CFLAR: variants seen among roughly 807,000 people sequenced by gnomAD.
CFLAR encodes CASP8 and FADD-like apoptosis regulator.
CFLAR carries 14 observed loss-of-function variants against 51.1 expected under a neutral mutation model. That is an observed-to-expected ratio of 0.27 (90% CI 0.18 to 0.43). The LOEUF is 0.43. Among genes scored for constraint, CFLAR ranks in the 20% least tolerant of loss-of-function variants. The pLI is 1.00. For missense variants in CFLAR, 390 were observed against 566.5 expected, an observed-to-expected ratio of 0.69 and a Z score of 3.16; for synonymous variants, 210 against 211.6, an observed-to-expected ratio of 0.99 and a Z score of 0.06.
At chr2:201,158,298 G>T (rs1942509528) in intron 8 of CFLAR, among the ~76,000 whole-genome samples, 1 of 152,208 alleles carries the variant, frequency 6.6e-6, no homozygotes, top group Non-Finnish European at 1.5e-5. Context: ...AACCTCCAGG[G>T]AGCACAAATA....
chr2:201,172,158 C>T lies in CFLAR; in HGVS notation c.*8185C>T, dbSNP rs1413082432. The stretch of plus-strand genomic sequence containing the variant: ...TCATCAGTTTTATCTTTATATCTCT[C>T]CTAAACACTTTACCTGATGAAGAGC... On this transcript the variant is annotated 3_prime_UTR_variant, in exon 10 of 10. Coordinates refer to ENST00000309955, the MANE Select transcript of CFLAR (RefSeq NM_003879.7). The T allele has an allele frequency of 6.6e-6, 1 of 152,114 alleles. No homozygotes were observed. The allele number at this position is 152,114 out of a possible 1,614,324, so 9.4% of individuals were successfully genotyped here.
rs1216361180 is a variant in CFLAR at position 201,138,022 on chromosome 2, C to G, written c.523+1915C>G. 2.7e-6 allele frequency: 2 copies of G among 731,006 alleles called. No individual in the cohort carries two copies. Among genetic ancestry groups the G allele is most frequent in the Non-Finnish European group, 5.1e-6 (2 of 394,038 alleles). The allele number at this position is 731,006 out of a possible 1,614,324, so 45.3% of individuals were successfully genotyped here. On this transcript the variant is annotated intron_variant, in intron 4 of 9. Coordinates refer to ENST00000309955, the MANE Select transcript of CFLAR (RefSeq NM_003879.7). This position sits in a 1 kb window ranked among gnomAD's most constrained non-coding sequence, Gnocchi z 4.0. ...TGGGTATGCTTGGCCACCTTGTACA[C>G]AGCAGTGCCCTGGGGCTGACTGCAG...
intron 1 of CFLAR, among the ~76,000 whole-genome samples, chr2:201,120,656 A>C (rs956358676): frequency 2.0e-5 from 3 of 152,212 alleles, no homozygotes; most frequent in African/African-American, 7.2e-5. Context: ...AGGTTTAAAA[A>C]TGCTTCCCAG....
chr2:201,152,288 G>T (rs1369711375), intron 8 of CFLAR, among the ~76,000 whole-genome samples: 3 of 152,002 alleles, frequency 2.0e-5, no homozygotes, highest in Admixed American at 6.6e-5. Flanking sequence ...GAGCCACCAC[G>T]CTCGGCTTCT....
intron 8 of CFLAR, among the ~76,000 whole-genome samples, chr2:201,151,446 G>A (rs1415824214): frequency 1.3e-5 from 2 of 152,134 alleles, no homozygotes; most frequent in Non-Finnish European, 2.9e-5. Flanking sequence ...TTTATGGGAA[G>A]AAAGGCTAAG....
Position 201,136,117 on chromosome 2 carries a change from T to A in CFLAR, c.523+10T>A. Reference sequence around the variant, plus strand: ...AAGTACAAGCAGTCTGGTAAGAATTTTGGCCTCTCAGTGGTCTAGGGGAAG... The same window carrying A: ...AAGTACAAGCAGTCTGGTAAGAATTATGGCCTCTCAGTGGTCTAGGGGAAG... On this transcript the variant is annotated intron_variant, in intron 4 of 9. Transcript: ENST00000309955. 3.1e-6 allele frequency: 5 copies of A among 1,612,566 alleles called. No homozygotes were observed. Among genetic ancestry groups the A allele is most frequent in the Non-Finnish European group, 4.2e-6 (5 of 1,179,186 alleles).
Position 201,149,857 on chromosome 2 carries a change from T to C in CFLAR, c.793+22T>C, listed in dbSNP as rs1940944844. 2.5e-6 allele frequency: 4 copies of C among 1,573,510 alleles called. No homozygotes were observed. The East Asian group carries it at 6.7e-5, about 26-fold the overall frequency. ...ACAGGTAGGTGTGGAAGCTGCAGAT[T>C]AACTGGTGCCCCCAGATTGAGATCA... is the stretch of plus-strand genomic sequence containing the variant. On this transcript the variant is annotated intron_variant, in intron 8 of 9. Transcript: ENST00000309955.
At position 201,176,284 on chromosome 2, in the gene CFLAR, G is replaced by GC. The variant is rs1172810429; in HGVS notation, c.*12311_*12312insC. On this transcript the variant is annotated 3_prime_UTR_variant, in exon 10 of 10. Transcript: ENST00000309955. Reference sequence around the variant, plus strand: ...TCTCAGGTGTTTTCTATTGCGGGGGGGGGGGGCGGGCGGGGGAGCTGCCTG... The same window carrying GC: ...TCTCAGGTGTTTTCTATTGCGGGGGGCGGGGGGCGGGCGGGGGAGCTGCCTG... The GC allele has an allele frequency of 7.9e-6, 1 of 126,530 alleles. No individual in the cohort carries two copies. The highest frequency in any genetic ancestry group is 1.7e-5 in the Non-Finnish European group (1 of 60,372). 7.8% of individuals were successfully genotyped at this position (126,530 alleles called of 1,614,324 possible). A position where few individuals can be genotyped will look rare whatever the true frequency, so the allele number is the denominator to read the frequency against.
chr2:201,125,731 G>A (rs2048615670), intron 1 of CFLAR, among the ~76,000 whole-genome samples: 1 of 152,130 alleles, frequency 6.6e-6, no homozygotes, highest in Admixed American at 6.5e-5. Context: ...GAGTCTTCCT[G>A]TAAATGAAAC....
intron 5 of CFLAR, among the ~76,000 whole-genome samples, chr2:201,143,029 G>A (rs1301558702): frequency 6.6e-6 from 1 of 152,096 alleles, no homozygotes; most frequent in Non-Finnish European, 1.5e-5. Context: ...GCTATTGTCT[G>A]TCTAATATAA....
At position 201,164,274 on chromosome 2, in the gene CFLAR, T is replaced by A; in HGVS notation, c.*301T>A. 1 of 155,844 alleles carries A rather than the reference T, an allele frequency of 6.4e-6. No homozygotes were observed. Among genetic ancestry groups the A allele is most frequent in the Admixed American group, 6.7e-5 (1 of 14,842 alleles). 9.7% of individuals were successfully genotyped at this position (155,844 alleles called of 1,614,324 possible). A position where few individuals can be genotyped will look rare whatever the true frequency, so the allele number is the denominator to read the frequency against. On this transcript the variant is annotated 3_prime_UTR_variant, in exon 10 of 10. Transcript: ENST00000309955. ...CTGGGCAATATAGCAAGATCCCATCTCTTTAAAAAAAAAAAAAAAGGACAG... is the reference window on the plus strand; with the variant it reads ...CTGGGCAATATAGCAAGATCCCATCACTTTAAAAAAAAAAAAAAAGGACAG...
rs1253569307 is a variant in CFLAR, at chr2:201,169,862, C to T, written c.*5889C>T. The T allele has an allele frequency of 6.6e-6, 1 of 152,126 alleles. No individual in the cohort carries two copies. Among genetic ancestry groups the T allele is most frequent in the East Asian group, 1.9e-4 (1 of 5,186 alleles). 9.4% of individuals were successfully genotyped at this position (152,126 alleles called of 1,614,324 possible). A position where few individuals can be genotyped will look rare whatever the true frequency, so the allele number is the denominator to read the frequency against. On this transcript the variant is annotated 3_prime_UTR_variant, in exon 10 of 10. Coordinates refer to ENST00000309955, the MANE Select transcript of CFLAR (RefSeq NM_003879.7). ...ACAAACATATAAAAAAAAGCTCAACCTTACTGATCATTAGAGAAATGCAAA... is the reference window on the plus strand; with the variant it reads ...ACAAACATATAAAAAAAAGCTCAACTTTACTGATCATTAGAGAAATGCAAA...
At chr2:201,119,417 T>C (rs1052032371) in intron 1 of CFLAR, among the ~76,000 whole-genome samples, 8 of 152,198 alleles carry the variant, frequency 5.3e-5, no homozygotes, top group Admixed American at 5.2e-4. Context: ...CTGTGGGCCA[T>C]GGTGGGGCAG....
In CFLAR at chr2:201,172,633, C is replaced by G. The variant is rs1403312869; in HGVS notation, c.*8660C>G. The G allele has an allele frequency of 6.6e-6, 1 of 152,184 alleles. No individual in the cohort carries two copies. Among genetic ancestry groups the G allele is most frequent in the Non-Finnish European group, 1.5e-5 (1 of 68,040 alleles). 9.4% of individuals were successfully genotyped at this position (152,184 alleles called of 1,614,324 possible). On this transcript the variant is annotated 3_prime_UTR_variant, in exon 10 of 10. Transcript: ENST00000309955. Reference sequence around the variant, plus strand: ...TTTCTGTCTCTATGATTTGCCTGTTCTAGATATTTTATAAAAATAAACATG... The same window carrying G: ...TTTCTGTCTCTATGATTTGCCTGTTGTAGATATTTTATAAAAATAAACATG...
rs1484930267 is a variant in CFLAR, at chr2:201,160,831, A to G, written c.1193A>G (p.Glu398Gly). The G allele has an allele frequency of 1.9e-6, 3 of 1,613,884 alleles. No individual in the cohort carries two copies. Among genetic ancestry groups the G allele is most frequent in the Non-Finnish European group, 2.5e-6 (3 of 1,179,958 alleles). Residue 398 changes from glutamate to glycine, a missense_variant, in exon 9 of 10, where the codon GAA (glutamate) becomes GGA (glycine). By Grantham distance (98) the Glu-to-Gly change is moderately conservative. Coordinates refer to ENST00000309955, the MANE Select transcript of CFLAR (RefSeq NM_003879.7). ...CGAGGGCTGTGCACAGTTCACCGAG[A>G]AGCTGACTTCTTCTGGAGCCTGTGT... is the stretch of plus-strand genomic sequence containing the variant. ...QKRGLCTVHR[E>G]ADFFWSLCTA...
intron 8 of CFLAR, chr2:201,150,447 A>G (rs1286449483): frequency 6.6e-6 from 1 of 152,450 alleles, no homozygotes; most frequent in African/African-American, 2.4e-5. Flanking sequence ...CAGTGAGCCA[A>G]GATGGTGGCA....
At chr2:201,140,755 GTATGTATA>G (rs144639397) in intron 5 of CFLAR, 42,671 of 191,498 alleles carry the variant, frequency 0.22, 5,555 homozygotes, top group African/African-American at 0.36. Context: ...GTATCTGTAT[GTATGTATA>G]TATATATATA....
At chr2:201,130,802 G>C (rs1021561323) in intron 2 of CFLAR, among the ~76,000 whole-genome samples, 1 of 152,202 alleles carries the variant, frequency 6.6e-6, no homozygotes, top group Non-Finnish European at 1.5e-5. Context: ...GCCAGCCTCT[G>C]ACAGTGTGAG....
In CFLAR at chr2:201,171,708, A is replaced by G. The variant is rs1489979064; in HGVS notation, c.*7735A>G. On this transcript the variant is annotated 3_prime_UTR_variant, in exon 10 of 10. Transcript: ENST00000309955. ...AAAAAAAAAAAAGATTCTTCAATGC[A>G]TACACAATAAAATTGCAGTTCAGTC... 1 of 152,148 alleles carries G rather than the reference A, an allele frequency of 6.6e-6. No homozygotes were observed. The highest frequency in any genetic ancestry group is 1.9e-4 in the East Asian group (1 of 5,202). 9.4% of individuals were successfully genotyped at this position (152,148 alleles called of 1,614,324 possible). A position where few individuals can be genotyped will look rare whatever the true frequency, so the allele number is the denominator to read the frequency against.
Sources: allele counts gnomAD v4.1 joint callset (sites outside exome capture counted in the v4.1 genomes callset), GRCh38; gene constraint gnomAD v4.1.1; non-coding constraint Gnocchi (gnomAD v3.1); transcripts MANE v1.5; gene names NCBI Gene and HGNC (gene_info 2026-07-23, HGNC 2026-07-21).